Variants in GALNT1 observed in about 807,000 individuals in gnomAD.
The protein encoded by GALNT1 is polypeptide N-acetylgalactosaminyltransferase 1, also known as GalNAc transferase 1.
Under a neutral mutation model 65.7 loss-of-function variants are expected in GALNT1, and 17 were observed. That is an observed-to-expected ratio of 0.26 (90% CI 0.18 to 0.39). GALNT1 has a LOEUF of 0.39. Among genes scored for constraint, GALNT1 ranks in the 10% least tolerant of loss-of-function variants. The probability of loss-of-function intolerance (pLI) is 1.00; values close to 1 mark genes in which losing one functional copy is unlikely to be tolerated. For missense variants in GALNT1, 460 were observed against 672.8 expected, an observed-to-expected ratio of 0.68 and a Z score of 3.50; for synonymous variants, 210 against 219.7, an observed-to-expected ratio of 0.96 and a Z score of 0.39.
chr18:35,664,775 G>A (rs2047522951), intron 3 of GALNT1, among the ~76,000 whole-genome samples: 2 of 152,198 alleles, frequency 1.3e-5, no homozygotes, highest in Non-Finnish European at 2.9e-5. Flanking sequence ...TAGAGTAAGT[G>A]AACATGTACA....
At chr18:35,631,003 G>A (rs1371105928) in intron 1 of GALNT1, among the ~76,000 whole-genome samples, 3 of 152,112 alleles carry the variant, frequency 2.0e-5, no homozygotes, top group Non-Finnish European at 4.4e-5. Context: ...GACTAAACCA[G>A]GAAGAAGTTG....
At chr18:35,598,217 T>A (rs1007103919) in intron 1 of GALNT1, among the ~76,000 whole-genome samples, 1 of 151,764 alleles carries the variant, frequency 6.6e-6, no homozygotes, top group Non-Finnish European at 1.5e-5. Flanking sequence ...GTATTTTTAG[T>A]AGAGATGAAG....
At chr18:35,603,150 G>C (rs1316581149) in intron 1 of GALNT1, among the ~76,000 whole-genome samples, 1 of 152,122 alleles carries the variant, frequency 6.6e-6, no homozygotes, top group Non-Finnish European at 1.5e-5. Flanking sequence ...AGAGTGGGAG[G>C]GTTTTTCTCC....
At chr18:35,701,998 C>T (rs968878486) in intron 9 of GALNT1, among the ~76,000 whole-genome samples, 1 of 152,022 alleles carries the variant, frequency 6.6e-6, no homozygotes, top group African/African-American at 2.4e-5. Context: ...ACTGACATTA[C>T]CCCCCCAGTT....
chr18:35,683,280 TGA>T, intron 4 of GALNT1, 109 bp from the exon 5 acceptor site: 1 of 796,182 alleles, frequency 1.3e-6, no homozygotes. Flanking sequence ...GGAGCCTCAC[TGA>T]GAGTGTTCAG....
At chr18:35,605,258 C>T (rs1360140634) in intron 1 of GALNT1, among the ~76,000 whole-genome samples, 1 of 152,008 alleles carries the variant, frequency 6.6e-6, no homozygotes, top group Non-Finnish European at 1.5e-5. Context: ...CCTGTAATCC[C>T]AGCACCTTGG....
intron 11 of GALNT1, among the ~76,000 whole-genome samples, chr18:35,705,869 G>A (rs1320504778): frequency 6.6e-6 from 1 of 152,186 alleles, no homozygotes; most frequent in Non-Finnish European, 1.5e-5. Flanking sequence ...GCCACAAGGT[G>A]GTTGCTGCAG....
chr18:35,684,278 T>G (rs149891780), intron 5 of GALNT1, among the ~76,000 whole-genome samples: 2 of 152,182 alleles, frequency 1.3e-5, no homozygotes, highest in Non-Finnish European at 2.9e-5. Context: ...CTTTTACTAG[T>G]CAAGTGGAAC....
chr18:35,663,747 A>G lies in GALNT1; in HGVS notation c.259A>G (p.Met87Val), dbSNP rs1429588681. ...GTTTAAAATCAATCAGTTCAATTTA[A>G]TGGCAAGTGAGATGATTGCACTCAA... ...EMFKINQFNL[M>V]ASEMIALNRS... The change falls in exon 3 of 12, where the codon ATG becomes GTG. Residue 87 changes from methionine to valine, a missense_variant. Physicochemically the swap from Met to Val is conservative, Grantham distance 21. Coordinates refer to ENST00000269195, the MANE Select transcript of GALNT1 (RefSeq NM_020474.4). The G allele has an allele frequency of 2.5e-6, 4 of 1,614,040 alleles. No individual in the cohort carries two copies. The South Asian group carries it at 4.4e-5, about 18-fold the overall frequency.
At chr18:35,627,750 C>CAT (rs1555646146) in intron 1 of GALNT1, among the ~76,000 whole-genome samples, 8 of 151,714 alleles carry the variant, frequency 5.3e-5, no homozygotes, top group African/African-American at 1.9e-4. Flanking sequence ...TGTAGCACAC[C>CAT]GAGCTGAAGC....
intron 3 of GALNT1, among the ~76,000 whole-genome samples, chr18:35,675,227 A>G (rs1006863286): frequency 1.3e-5 from 2 of 152,094 alleles, no homozygotes; most frequent in African/African-American, 4.8e-5. Context: ...GTTCTTCTCA[A>G]GTGCCTTGTG....
At chr18:35,703,118 CT>C in intron 10 of GALNT1, 123 bp downstream of exon 10, 1 of 576,546 alleles carries the variant, frequency 1.7e-6, no homozygotes, top group Non-Finnish European at 3.0e-6. Flanking sequence ...ATAATAAAGA[CT>C]TTTAGGTGAA....
chr18:35,659,479 T>C (rs2071305458), intron 2 of GALNT1, among the ~76,000 whole-genome samples: 2 of 152,336 alleles, frequency 1.3e-5, no homozygotes, highest in South Asian at 4.1e-4. Context: ...TAGAGTTAGA[T>C]TGGGCTCCCT....
At chr18:35,632,496 T>C (rs897719028) in intron 1 of GALNT1, among the ~76,000 whole-genome samples, 20 of 152,176 alleles carry the variant, frequency 1.3e-4, no homozygotes, top group African/African-American at 4.8e-4. Flanking sequence ...TGGCTAGCCA[T>C]ATGTAGAAAG....
chr18:35,668,133 C>G (rs2047575478), intron 3 of GALNT1, among the ~76,000 whole-genome samples: 1 of 151,922 alleles, frequency 6.6e-6, no homozygotes, highest in African/African-American at 2.4e-5. Context: ...AACTAACCAT[C>G]TTAAGAAATT....
At chr18:35,674,238 A>T (rs1442119276) in intron 3 of GALNT1, among the ~76,000 whole-genome samples, 2 of 152,180 alleles carry the variant, frequency 1.3e-5, no homozygotes, top group African/African-American at 4.8e-5. Context: ...AACACTGTAC[A>T]CTTAGGCTCT....
At chr18:35,590,450 T>G (rs2046429940) in intron 1 of GALNT1, among the ~76,000 whole-genome samples, 1 of 152,210 alleles carries the variant, frequency 6.6e-6, no homozygotes, top group Admixed American at 6.5e-5. Context: ...TAGGACAAAC[T>G]TCTATGGGAA....
intron 1 of GALNT1, among the ~76,000 whole-genome samples, chr18:35,631,446 C>A (rs1161719603): frequency 1.3e-5 from 2 of 152,014 alleles, no homozygotes; most frequent in African/African-American, 4.8e-5. Flanking sequence ...ACAGAACCAA[C>A]GAGAAAAGCC....
intron 3 of GALNT1, among the ~76,000 whole-genome samples, chr18:35,666,457 AC>A (rs1488380944): frequency 6.6e-6 from 1 of 152,208 alleles, no homozygotes; most frequent in Non-Finnish European, 1.5e-5. Flanking sequence ...TCCACAGTCT[AC>A]AGTTAAAATG....
Sources: allele counts gnomAD v4.1 joint callset (sites outside exome capture counted in the v4.1 genomes callset), GRCh38; gene constraint gnomAD v4.1.1; transcripts MANE v1.5; gene names NCBI Gene and HGNC (gene_info 2026-07-23, HGNC 2026-07-21).